The following ABTB3 variants were observed in gnomAD, a reference collection of about 807,000 sequenced individuals.
ABTB3 encodes ankyrin repeat- and BTB/POZ domain-containing protein 3.
At chr12:107,542,633 A>G in the ABTB3 span, among the ~76,000 whole-genome samples, 2 of 152,198 alleles carry the variant, frequency 1.3e-5, no homozygotes, top group Admixed American at 1.3e-4. Flanking sequence ...TATGCAGTCA[A>G]AAATCTCTGT....
the ABTB3 span, among the ~76,000 whole-genome samples, chr12:107,563,932 C>A: frequency 5.3e-5 from 8 of 152,228 alleles, no homozygotes; most frequent in African/African-American, 1.7e-4. Flanking sequence ...GCTGAAAAAT[C>A]TGTGCTATAA....
At chr12:107,531,102 G>A in the ABTB3 span, among the ~76,000 whole-genome samples, 2 of 152,308 alleles carry the variant, frequency 1.3e-5, no homozygotes, top group Non-Finnish European at 2.9e-5. Context: ...GCAAAGCATT[G>A]TTCCTTAACT....
At chr12:107,355,394 G>A in the ABTB3 span, among the ~76,000 whole-genome samples, 394 of 152,356 alleles carry the variant, frequency 2.6e-3, 4 homozygotes, top group African/African-American at 9.0e-3. Flanking sequence ...GTGCCTGGGA[G>A]CCCTGAGCCT....
the ABTB3 span, among the ~76,000 whole-genome samples, chr12:107,385,175 G>A: frequency 1.6e-4 from 25 of 152,166 alleles, no homozygotes; most frequent in Admixed American, 3.9e-4. Flanking sequence ...CCACATTTAG[G>A]TATTGAGTAA....
chr12:107,336,306 A>G, the ABTB3 span, among the ~76,000 whole-genome samples: 1 of 152,192 alleles, frequency 6.6e-6, no homozygotes, highest in African/African-American at 2.4e-5. Flanking sequence ...GGATATTGTG[A>G]CTTGTACAGT....
At chr12:107,476,076 G>A in the ABTB3 span, among the ~76,000 whole-genome samples, 1 of 152,190 alleles carries the variant, frequency 6.6e-6, no homozygotes, top group Non-Finnish European at 1.5e-5. Flanking sequence ...GCCCTGATTT[G>A]CTTATTTTGC....
the ABTB3 span, among the ~76,000 whole-genome samples, chr12:107,424,090 C>T: frequency 6.6e-6 from 1 of 152,184 alleles, no homozygotes; most frequent in Middle Eastern, 3.2e-3. Flanking sequence ...ATGCCATTAC[C>T]TTGAGAAGCC....
chr12:107,472,089 A>C, the ABTB3 span, among the ~76,000 whole-genome samples: 3 of 152,150 alleles, frequency 2.0e-5, no homozygotes, highest in African/African-American at 7.2e-5. Context: ...CAAAGAGAAA[A>C]CACTGAGGGG....
the ABTB3 span, among the ~76,000 whole-genome samples, chr12:107,346,120 T>G: frequency 6.6e-6 from 1 of 152,160 alleles, no homozygotes; most frequent in Admixed American, 6.5e-5. Context: ...CTCATTCCCA[T>G]CCAGCTGCCC....
the ABTB3 span, among the ~76,000 whole-genome samples, chr12:107,623,128 TCGGCTCA>T: frequency 6.6e-6 from 1 of 151,114 alleles, no homozygotes; most frequent in African/African-American, 2.4e-5. Context: ...TGGTGCAATC[TCGGCTCA>T]CTGCAACCTC....
At chr12:107,391,319 A>G in the ABTB3 span, among the ~76,000 whole-genome samples, 1 of 152,116 alleles carries the variant, frequency 6.6e-6, no homozygotes, top group Non-Finnish European at 1.5e-5. Context: ...TTGAATTCCA[A>G]TTATGTGCAT....
the ABTB3 span, among the ~76,000 whole-genome samples, chr12:107,365,865 A>G: frequency 6.6e-6 from 1 of 152,246 alleles, no homozygotes; most frequent in East Asian, 1.9e-4. Context: ...ACAGCTGGGT[A>G]GCATTCATGG....
the ABTB3 span, chr12:107,617,230 T>C: frequency 6.2e-7 from 1 of 1,613,696 alleles, no homozygotes; most frequent in Non-Finnish European, 8.5e-7. Flanking sequence ...CAGTGCACCC[T>C]GGCCCTTGAA....
chr12:107,654,491 T>A, the ABTB3 span, among the ~76,000 whole-genome samples: 5 of 152,090 alleles, frequency 3.3e-5, no homozygotes, highest in African/African-American at 9.7e-5. Context: ...TAGAGACAGA[T>A]GCTTGCCATG....
chr12:107,437,432 T>G, the ABTB3 span, among the ~76,000 whole-genome samples: 1,494 of 151,388 alleles, frequency 9.9e-3, 35 homozygotes, highest in African/African-American at 0.034. Flanking sequence ...AGTCTCACTC[T>G]GTCACCCAGG....
the ABTB3 span, among the ~76,000 whole-genome samples, chr12:107,573,464 CGATGGATGGATGGATGGATG>C: frequency 7.2e-6 from 1 of 139,496 alleles, no homozygotes; most frequent in Non-Finnish European, 1.6e-5. Context: ...GTGGATGAAT[CGATGGATGGATGGATGGATG>C]GATGGATGGA....
the ABTB3 span, among the ~76,000 whole-genome samples, chr12:107,375,585 C>T: frequency 6.6e-6 from 1 of 152,230 alleles, no homozygotes; most frequent in Non-Finnish European, 1.5e-5. Context: ...GCCGTTCTAC[C>T]TCTCACTGGC....
chr12:107,556,149 C>T, the ABTB3 span, among the ~76,000 whole-genome samples: 1 of 150,582 alleles, frequency 6.6e-6, no homozygotes, highest in Non-Finnish European at 1.5e-5. Context: ...GGCTGGAGTG[C>T]AATGGTGCGA....
At chr12:107,651,513 C>T in the ABTB3 span, among the ~76,000 whole-genome samples, 2 of 152,012 alleles carry the variant, frequency 1.3e-5, no homozygotes, top group Non-Finnish European at 2.9e-5. Context: ...TATCTTTGTC[C>T]TTTTCCTCTA....
Sources: gnomAD v4.1 joint callset for allele counts (sites outside exome capture counted in the v4.1 genomes callset) on GRCh38, gnomAD v4.1.1 for gene constraint, MANE v1.5 for transcripts, NCBI Gene and HGNC (gene_info 2026-07-23, HGNC 2026-07-21) for gene names.